The following SELENBP1 variants were observed in gnomAD, a reference collection of about 807,000 sequenced individuals.
The protein encoded by SELENBP1 is selenium binding protein 1, also known as methanethiol oxidase.
Under a neutral mutation model 61.0 loss-of-function variants are expected in SELENBP1, and 71 were observed. The ratio of observed to expected loss-of-function variants is 1.16; its 90% CI spans 0.96 to 1.42. The LOEUF (loss-of-function observed/expected upper bound fraction) is 1.42, where lower values mean the gene tolerates loss of function less well. SELENBP1 is among the 40% of genes most tolerant of loss of function. SELENBP1 has a pLI of 0.00. For missense variants in SELENBP1, 561 were observed against 605.0 expected (o/e 0.93, Z 0.76); for synonymous variants, 270 against 238.9 (o/e 1.13, Z -1.20).
Position 151,364,458 on chromosome 1 carries a change from C to G in SELENBP1, c.*85G>C. The stretch of plus-strand genomic sequence containing the variant: ...CTGTGTGGTACATGCTGCCAAGGGT[C>G]GGGTGCCAAGAGAGAGCAGAATGAA... On this transcript the variant is annotated 3_prime_UTR_variant, in exon 12 of 12. Transcript: ENST00000368868. 2 of 1,534,966 alleles carry G rather than the reference C, an allele frequency of 1.3e-6. No individual in the cohort carries two copies. The highest frequency in any genetic ancestry group is 1.1e-5 in the South Asian group (1 of 87,678).
At chr1:151,372,578 G>A in intron 1 of SELENBP1, 60 bp downstream of exon 1, 2 of 1,610,168 alleles carry the variant, frequency 1.2e-6, no homozygotes, top group Non-Finnish European at 1.7e-6. Flanking sequence ...CTGGAGGAGG[G>A]CCTTCCAAAT....
At chr1:151,367,859 G>T (rs1780585) in intron 5 of SELENBP1, among the ~76,000 whole-genome samples, 1 of 152,074 alleles carries the variant, frequency 6.6e-6, no homozygotes, top group Non-Finnish European at 1.5e-5. Context: ...CAGAGATGGG[G>T]TTTCACCATG....
chr1:151,365,038 G>C lies in SELENBP1; in HGVS notation c.1144C>G (p.Arg382Gly). The change falls in exon 11 of 12, where the codon CGG becomes GGG. Residue 382 changes from arginine (R) to glycine (G), a missense_variant. Arg to Gly is a moderately radical substitution (Grantham distance 125). Transcript: ENST00000368868. ...QPEPLVVKGK[R>G]VAGGPQMIQL... ...ATCATCTGAGGGCCTCCAGCCACCC[G>C]TTTTCCCTTGGGAAAACCAGGGGTC... 1.9e-6 allele frequency: 3 copies of C among 1,606,254 alleles called. No homozygotes were observed. In the East Asian group the frequency reaches 6.7e-5, roughly 36 times the overall value.
In SELENBP1 at chr1:151,365,210, C is replaced by T; in HGVS notation, c.1116G>A (p.Gln372=). The T allele has an allele frequency of 6.2e-7, 1 of 1,613,888 alleles. No homozygotes were observed. ...TTACCTTGACCACTAGGGGCTCTGG[C>T]TGGGACTTTAGTTCCTCGTCCTCCA... is the stretch of plus-strand genomic sequence containing the variant. The part of the protein sequence containing the change: ...QVLEDEELKS[Q]PEPLVVKGKR... The change falls in exon 10 of 12, where the codon CAG becomes CAA. Residue 372 remains glutamine (Q), a synonymous_variant. Coordinates refer to ENST00000368868, the MANE Select transcript of SELENBP1 (RefSeq NM_003944.4).
intron 7 of SELENBP1, 161 bp downstream of exon 7, chr1:151,366,114 G>T: frequency 1.1e-6 from 1 of 879,008 alleles, no homozygotes; most frequent in Non-Finnish European, 1.8e-6. Context: ...GCCAGTTAGG[G>T]TTCAGGCAGA....
Position 151,365,855 on chromosome 1 carries a change from AG to A in SELENBP1, c.844-10del, listed in dbSNP as rs761678282. ...ACTGACCATGTACCTCCCTACATTG[AG>A]GGGTGGAGGGTGAGGTTAGCTGGCA... On this transcript the variant is annotated splice_polypyrimidine_tract_variant and intron_variant, in intron 7 of 11. Coordinates refer to ENST00000368868, the MANE Select transcript of SELENBP1 (RefSeq NM_003944.4). 1.9e-6 allele frequency: 3 copies of A among 1,613,646 alleles called. No individual in the cohort carries two copies. Among genetic ancestry groups the A allele is most frequent in the South Asian group, 1.1e-5 (1 of 91,044 alleles).
At chr1:151,371,112 G>T (rs911936738) in intron 1 of SELENBP1, among the ~76,000 whole-genome samples, 1 of 152,182 alleles carries the variant, frequency 6.6e-6, no homozygotes, top group Non-Finnish European at 1.5e-5. Flanking sequence ...GGCCGGGTGC[G>T]GTGGCTCATG....
chr1:151,367,829 T>C (rs1308527575), intron 5 of SELENBP1, among the ~76,000 whole-genome samples: 1 of 152,136 alleles, frequency 6.6e-6, no homozygotes, highest in Non-Finnish European at 1.5e-5. Flanking sequence ...GTGCCAACTC[T>C]GTATTATCAG....
rs1434750609 is a variant in SELENBP1 at position 151,366,405 on chromosome 1, A to G, written c.713T>C (p.Ile238Thr). Residue 238 changes from isoleucine to threonine, a missense_variant, in exon 7 of 12, where the codon ATT (isoleucine) becomes ACT (threonine). Transcript: ENST00000368868. ...LYVWDWQRHE[I>T]VQTLSLKDGL... ...ATCTTTTAGAGACAGGGTCTGCACA[A>G]TCTCATGGCGCTGCCAGTCCCATAC... The G allele has an allele frequency of 1.9e-6, 3 of 1,614,044 alleles. No homozygotes were observed. The highest frequency in any genetic ancestry group is 2.2e-5 in the East Asian group (1 of 44,876).
intron 5 of SELENBP1, among the ~76,000 whole-genome samples, chr1:151,367,559 G>A (rs1651913494): frequency 6.6e-6 from 1 of 151,946 alleles, no homozygotes; most frequent in East Asian, 1.9e-4. Flanking sequence ...TCAGCACCTG[G>A]TATTTCTCTT....
At position 151,365,649 on chromosome 1, in the gene SELENBP1, G is replaced by T; in HGVS notation, c.958C>A (p.Arg320Ser). 1.2e-6 allele frequency: 2 copies of T among 1,614,182 alleles called. No homozygotes were observed. Among genetic ancestry groups the T allele is most frequent in the Non-Finnish European group, 1.7e-6 (2 of 1,180,050 alleles). ...AGCCAGTTGCTGAAGTAGAGGAAGC[G>T]GTCGTCCAGGGAGAGCAGGATGTCG... ...ITDILLSLDD[R>S]FLYFSNWLHG... is the part of the protein sequence containing the mutation. The change falls in exon 9 of 12, where the codon CGC (arginine) becomes AGC (serine). Residue 320 changes from arginine (R) to serine (S), a missense_variant. Arg to Ser is a moderately radical substitution (Grantham distance 110). Transcript: ENST00000368868.
In SELENBP1 at chr1:151,366,028, A is replaced by T. The variant is rs994310249; in HGVS notation, c.844-182T>A. Reference sequence around the variant, plus strand: ...AGGCAGGGGTTGTGTCTGCTTCACCACTGCATTCCCAGAACATAGCACAGT... The same window carrying T: ...AGGCAGGGGTTGTGTCTGCTTCACCTCTGCATTCCCAGAACATAGCACAGT... On this transcript the variant is annotated intron_variant, in intron 7 of 11. Coordinates refer to ENST00000368868, the MANE Select transcript of SELENBP1 (RefSeq NM_003944.4). The T allele has an allele frequency of 5.7e-5, 42 of 734,002 alleles. No individual in the cohort carries two copies. The South Asian group carries it at 7.5e-4, about 13-fold the overall frequency. The allele number at this position is 734,002 out of a possible 1,614,324, so 45.5% of individuals were successfully genotyped here.
intron 4 of SELENBP1, 134 bp downstream of exon 4, chr1:151,368,869 CT>C: frequency 1.1e-6 from 1 of 902,810 alleles, no homozygotes; most frequent in East Asian, 2.6e-5. Context: ...GAGGTCCAAC[CT>C]CCCTCCCTGC....
At chr1:151,367,745 T>C (rs1651929238) in intron 5 of SELENBP1, among the ~76,000 whole-genome samples, 1 of 152,168 alleles carries the variant, frequency 6.6e-6, no homozygotes. Flanking sequence ...TACCTCAGCC[T>C]CTTGAGAAGT....
intron 1 of SELENBP1, 87 bp from the exon 2 acceptor site, chr1:151,369,856 G>A (rs1652058072): frequency 6.4e-7 from 1 of 1,551,564 alleles, no homozygotes; most frequent in African/African-American, 1.4e-5. Flanking sequence ...CATCCCAGCG[G>A]GCCACGGCAG....
At chr1:151,366,241 T>C (rs1651806242) in intron 7 of SELENBP1, 34 bp downstream of exon 7, 1 of 1,598,566 alleles carries the variant, frequency 6.3e-7, no homozygotes, top group Non-Finnish European at 8.5e-7. Flanking sequence ...CTGACAAGAC[T>C]ACTGGGAGGG....
rs369369505 is a variant in SELENBP1 at position 151,365,648 on chromosome 1, C to T, written c.959G>A (p.Arg320His). The change falls in exon 9 of 12, where the codon CGC becomes CAC. Residue 320 changes from arginine (R) to histidine (H), a missense_variant. By Grantham distance (29) the Arg-to-His change is conservative. Transcript: ENST00000368868. ...CAGCCAGTTGCTGAAGTAGAGGAAG[C>T]GGTCGTCCAGGGAGAGCAGGATGTC... ...ITDILLSLDD[R>H]FLYFSNWLHG... is the part of the protein sequence containing the mutation. 9.3e-6 allele frequency: 15 copies of T among 1,614,060 alleles called. No homozygotes were observed. Among genetic ancestry groups the T allele is most frequent in the African/African-American group, 8.0e-5 (6 of 74,912 alleles).
rs373979544 is a variant in SELENBP1, at chr1:151,368,244, C to A, written c.436G>T (p.Glu146Ter). The A allele has an allele frequency of 6.2e-7, 1 of 1,614,152 alleles. No individual in the cohort carries two copies. Among genetic ancestry groups the A allele is most frequent in the Non-Finnish European group, 8.5e-7 (1 of 1,180,006 alleles). Residue 146 changes from glutamate to a stop codon, truncating the protein, a stop_gained, in exon 5 of 12, where the codon GAA becomes TAA. Coordinates refer to ENST00000368868, the MANE Select transcript of SELENBP1 (RefSeq NM_003944.4). LOFTEE classifies it high-confidence loss of function. Reference sequence around the variant, plus strand: ...TCTCCCAGGGAGCTGATCATCACTTCCCCGCTGGCCAGGCAGTGGCTGGTG... The same window carrying A: ...TCTCCCAGGGAGCTGATCATCACTTACCCGCTGGCCAGGCAGTGGCTGGTG... Reference protein sequence around the residue: ...LHTSHCLASGEVMISSLGDVK... With the variant: ...LHTSHCLASG
In SELENBP1 at chr1:151,366,896, C is replaced by T. The variant is rs1651857613; in HGVS notation, c.490G>A (p.Val164Met). The T allele has an allele frequency of 1.2e-6, 2 of 1,613,832 alleles. No individual in the cohort carries two copies. Among genetic ancestry groups the T allele is most frequent in the Non-Finnish European group, 1.7e-6 (2 of 1,179,802 alleles). Residue 164 changes from valine to methionine, a missense_variant, in exon 6 of 12, where the codon GTG becomes ATG. Val to Met is a conservative substitution (Grantham distance 21, BLOSUM62 1). Transcript: ENST00000368868. ...DVKGNGKGGF[V>M]LLDGETFEVK... ...TCGAACGTCTCCCCATCCAGCAGCA[C>T]AAAACCCCCTGAACAGGGAAGGAAG...
Sources: allele counts gnomAD v4.1 joint callset (sites outside exome capture counted in the v4.1 genomes callset), GRCh38; gene constraint gnomAD v4.1.1; transcripts MANE v1.5; gene names NCBI Gene and HGNC (gene_info 2026-07-23, HGNC 2026-07-21).